Variants in NID1 observed in about 807,000 individuals in gnomAD.
NID1 encodes nidogen 1, also known as nidogen-1.
Under a neutral mutation model 130.6 loss-of-function variants are expected in NID1, and 76 were observed. That is an observed-to-expected ratio of 0.58 (90% CI 0.48 to 0.70). The LOEUF is 0.70. NID1 is among the 30% of genes least tolerant of loss of function. The pLI, the probability that NID1 is intolerant of heterozygous loss-of-function variation, is 0.00. For missense variants in NID1, 1,517 were observed against 1,664.8 expected (o/e 0.91, Z 1.54); for synonymous variants, 665 against 675.1 (o/e 0.98, Z 0.23).
chr1:235,990,401 C>T (rs1183622618), intron 14 of NID1, among the ~76,000 whole-genome samples: 2 of 152,170 alleles, frequency 1.3e-5, no homozygotes, highest in Non-Finnish European at 2.9e-5. Context: ...CTTCACTCCT[C>T]ATAGGACCCT....
At chr1:236,036,666 G>C (rs368737631) in intron 5 of NID1, among the ~76,000 whole-genome samples, 8 of 152,318 alleles carry the variant, frequency 5.3e-5, no homozygotes, top group African/African-American at 1.7e-4. Flanking sequence ...TGGGTCATGA[G>C]GGCTCTGCCC....
chr1:235,979,678 T>A lies in NID1; in HGVS notation c.3509+144A>T. The A allele has an allele frequency of 2.5e-6, 2 of 798,534 alleles. No homozygotes were observed. 49.5% of individuals were successfully genotyped at this position (798,534 alleles called of 1,614,324 possible). On this transcript the variant is annotated intron_variant, in intron 18 of 19. Transcript: ENST00000264187. This position sits in a 1 kb window ranked among gnomAD's most constrained non-coding sequence, Gnocchi z 4.6. ...TCTTGGCTCCTGACAACCAGAAGGA[T>A]AAGGGAGAGGGGACATCTCTAGAGG...
At chr1:236,011,222 G>C (rs564174129) in intron 12 of NID1, among the ~76,000 whole-genome samples, 144 of 151,648 alleles carry the variant, frequency 9.5e-4, no homozygotes, top group Non-Finnish European at 1.8e-3. Flanking sequence ...GAATATATCT[G>C]ACCAACAACA....
intron 9 of NID1, among the ~76,000 whole-genome samples, chr1:236,017,590 T>TTAGTAGAGAATGA (rs1446364014): frequency 1.7e-4 from 26 of 152,356 alleles, no homozygotes; most frequent in African/African-American, 5.3e-4. Flanking sequence ...TTCAGCATGT[T>TTAGTAGAGAATGA]GGCCAGGCTG....
rs762496172 is a variant in NID1, at chr1:236,045,695, A to C, written c.526-12T>G. ...TGGAACGTGTTTCTCTGTGAAGATG[A>C]GTTAAAATTCAGTTACTCGGAAAAA... On this transcript the variant is annotated splice_polypyrimidine_tract_variant and intron_variant, in intron 2 of 19. Transcript: ENST00000264187. 6.3e-7 allele frequency: 1 copy of C among 1,593,950 alleles called. No individual in the cohort carries two copies. Among genetic ancestry groups the C allele is most frequent in the Non-Finnish European group, 8.6e-7 (1 of 1,167,076 alleles).
At chr1:236,004,604 T>C (rs1342887747) in intron 12 of NID1, among the ~76,000 whole-genome samples, 1 of 150,570 alleles carries the variant, frequency 6.6e-6, no homozygotes, top group Non-Finnish European at 1.5e-5. Flanking sequence ...CTACTAAAAA[T>C]ACAAAAAATT....
Position 235,985,065 on chromosome 1 carries a change from C to T in NID1, c.3055+314G>A, listed in dbSNP as rs532670882. Among the ~76,000 whole-genome samples the T allele has an allele frequency of 3.4e-4, 51 of 151,926 alleles. 1 individual carries two copies. The South Asian group carries it at 9.8e-3, about 29-fold the overall frequency. ...AAAATTAGCCAGGCATGGTGGCGGGCGACTTTAGTCCCAGCTACTCGAGAG... is the reference window on the plus strand; with the variant it reads ...AAAATTAGCCAGGCATGGTGGCGGGTGACTTTAGTCCCAGCTACTCGAGAG... On this transcript the variant is annotated intron_variant, in intron 15 of 19. Transcript: ENST00000264187.
chr1:236,017,054 G>C, intron 10 of NID1, 94 bp downstream of exon 10: 4 of 1,549,530 alleles, frequency 2.6e-6, no homozygotes, highest in Non-Finnish European at 3.6e-6. Flanking sequence ...CTTCCAACTT[G>C]ACCAGACTCA....
At chr1:236,020,238 T>A (rs1314400901) in intron 9 of NID1, among the ~76,000 whole-genome samples, 1 of 152,172 alleles carries the variant, frequency 6.6e-6, no homozygotes, top group African/African-American at 2.4e-5. Flanking sequence ...TTTCACAGGA[T>A]CACTTTCTAA....
intron 3 of NID1, among the ~76,000 whole-genome samples, chr1:236,043,527 G>A (rs1003029046): frequency 1.3e-5 from 2 of 152,028 alleles, no homozygotes; most frequent in East Asian, 1.9e-4. Context: ...GGCCGGGCGC[G>A]GTGGCTCACA....
rs752144211 is a variant in NID1, at chr1:236,029,785, TG to T, written c.1538-36del. 8 of 1,608,104 alleles carry T rather than the reference TG, an allele frequency of 5.0e-6. No homozygotes were observed. In the African/African-American group the frequency reaches 1.1e-4, roughly 21 times the overall value. ...AAGATGAGACTGTCACTTTGCTGACTGGGGAGCGCGCCCTTCTGCCCGCCCC... is the reference window on the plus strand; with the variant it reads ...AAGATGAGACTGTCACTTTGCTGACTGGGAGCGCGCCCTTCTGCCCGCCCC... On this transcript the variant is annotated intron_variant, in intron 6 of 19. Coordinates refer to ENST00000264187, the MANE Select transcript of NID1 (RefSeq NM_002508.3).
chr1:236,029,817 C>T (rs571126172), intron 6 of NID1, 67 bp from the exon 7 acceptor site: 8 of 1,516,162 alleles, frequency 5.3e-6, no homozygotes, highest in Admixed American at 3.5e-5. Flanking sequence ...GCCCCAGGCT[C>T]ACAGTGTGGA....
intron 10 of NID1, among the ~76,000 whole-genome samples, chr1:236,015,101 ACACCTTGCCCCATTTATTTCTT>A (rs1239609765): frequency 6.6e-6 from 1 of 152,122 alleles, no homozygotes; most frequent in African/African-American, 2.4e-5. Context: ...TTGGCAGAGC[ACACCTTGCCCCATTTATTTCTT>A]CACCTTGCCC....
intron 12 of NID1, among the ~76,000 whole-genome samples, chr1:236,003,486 G>A (rs551298924): frequency 2.6e-5 from 4 of 152,208 alleles, no homozygotes; most frequent in Non-Finnish European, 5.9e-5. Context: ...CAGAAATGCA[G>A]AAAACCCTGA....
chr1:236,028,530 C>A (rs1204588941), intron 7 of NID1, among the ~76,000 whole-genome samples: 1 of 152,044 alleles, frequency 6.6e-6, no homozygotes, highest in East Asian at 1.9e-4. Context: ...AACCAAAAAA[C>A]TATACATATC....
rs935682628 is a variant in NID1 at position 235,993,832 on chromosome 1, A to G, written c.2568T>C (p.Ile856=). 5.6e-6 allele frequency: 9 copies of G among 1,613,954 alleles called. No individual in the cohort carries two copies. The highest frequency in any genetic ancestry group is 1.7e-5 in the Admixed American group (1 of 60,010). The part of the protein sequence containing the change: ...KTRCQHEREH[I]LGAAGATDPQ... The stretch of plus-strand genomic sequence containing the variant: ...GGTCTGTCGCCCCCGCTGCCCCGAG[A>G]ATGTGTTCTCGCTCGTGCTGGCACC... Residue 856 remains isoleucine (I), a synonymous_variant, in exon 13 of 20, where the codon ATT becomes ATC. Coordinates refer to ENST00000264187, the MANE Select transcript of NID1 (RefSeq NM_002508.3).
chr1:236,043,301 T>C (rs2891666), intron 3 of NID1, among the ~76,000 whole-genome samples: 72,875 of 151,842 alleles, frequency 0.48, 17,954 homozygotes, highest in East Asian at 0.68. Context: ...ACACAGGACT[T>C]GGGACTGGCA....
chr1:235,979,780 A>G lies in NID1; in HGVS notation c.3509+42T>C, dbSNP rs765927256. Reference sequence around the variant, plus strand: ...CTGGCCTCCCAGAGACAGTGGGTGGAGGGGCAGGCCCACGCAGCCCCCATG... The same window carrying G: ...CTGGCCTCCCAGAGACAGTGGGTGGGGGGGCAGGCCCACGCAGCCCCCATG... On this transcript the variant is annotated intron_variant, in intron 18 of 19. Coordinates refer to ENST00000264187, the MANE Select transcript of NID1 (RefSeq NM_002508.3). The surrounding 1 kb of genome is among the most constrained non-coding windows in gnomAD (Gnocchi z 4.6). The G allele has an allele frequency of 3.1e-6, 5 of 1,604,840 alleles. No homozygotes were observed. The East Asian group carries it at 1.1e-4, about 36-fold the overall frequency.
chr1:236,064,465 C>T (rs965507744), intron 1 of NID1: 1 of 211,690 alleles, frequency 4.7e-6, no homozygotes, highest in Non-Finnish European at 9.4e-6. Context: ...CCTGCGGAGG[C>T]TCCGCGCGAG....
Sources: allele counts gnomAD v4.1 joint callset (sites outside exome capture counted in the v4.1 genomes callset), GRCh38; gene constraint gnomAD v4.1.1; non-coding constraint Gnocchi (gnomAD v3.1); transcripts MANE v1.5; gene names NCBI Gene and HGNC (gene_info 2026-07-23, HGNC 2026-07-21).